The following DNAH9 variants were observed in gnomAD, a reference collection of about 807,000 sequenced individuals.
The protein encoded by DNAH9 is dynein axonemal heavy chain 9, also known as DNAH9 variant protein.
In DNAH9, 345 loss-of-function variants were observed where a neutral mutation model predicts 471.6. That is an observed-to-expected ratio of 0.73 (90% CI 0.67 to 0.80). The LOEUF (loss-of-function observed/expected upper bound fraction) is 0.80. Among genes scored for constraint, DNAH9 ranks in the 30% least tolerant of loss-of-function variants. The pLI is 0.00. For synonymous variants in DNAH9, 2,093 were observed against 2,123.6 expected, an observed-to-expected ratio of 0.99 and a Z score of 0.40; for missense variants, 5,407 against 5,609.2, an observed-to-expected ratio of 0.96 and a Z score of 1.15.
chr17:11,607,997 A>G (rs145868280), intron 1 of DNAH9, 132 bp from the exon 2 acceptor site: 3 of 617,538 alleles, frequency 4.9e-6, no homozygotes, highest in African/African-American at 3.6e-5. Context: ...GTTCGACCCT[A>G]TTATTAGGCC....
At chr17:11,847,328 T>G (rs1215486542) in intron 49 of DNAH9, among the ~76,000 whole-genome samples, 1 of 152,222 alleles carries the variant, frequency 6.6e-6, no homozygotes, top group Non-Finnish European at 1.5e-5. Context: ...CTTCTTGGGT[T>G]TTTATAATTT....
chr17:11,652,280 C>CTTTTTTTTTT (rs11450398), intron 13 of DNAH9, among the ~76,000 whole-genome samples: 3 of 79,138 alleles, frequency 3.8e-5, no homozygotes, highest in Non-Finnish European at 4.3e-5. Context: ...TAAGGGTAGG[C>CTTTTTTTTTT]TTTTTTTTTT....
intron 35 of DNAH9, among the ~76,000 whole-genome samples, chr17:11,760,615 G>T (rs958146065): frequency 2.6e-5 from 4 of 151,982 alleles, no homozygotes; most frequent in African/African-American, 9.7e-5. Context: ...TGCCTCCCAG[G>T]TTCAAGAGAT....
intron 7 of DNAH9, among the ~76,000 whole-genome samples, chr17:11,631,518 A>G (rs2073065168): frequency 6.6e-6 from 1 of 151,950 alleles, no homozygotes; most frequent in East Asian, 1.9e-4. Flanking sequence ...GGTGGTGCAC[A>G]CCTGTAATCT....
At chr17:11,868,613 A>G (rs905750655) in intron 50 of DNAH9, among the ~76,000 whole-genome samples, 2 of 152,014 alleles carry the variant, frequency 1.3e-5, no homozygotes, top group Non-Finnish European at 2.9e-5. Flanking sequence ...CCAGCCCCAG[A>G]CTAGCTGCAG....
chr17:11,765,988 T>A (rs892914084), intron 36 of DNAH9, among the ~76,000 whole-genome samples: 1 of 152,140 alleles, frequency 6.6e-6, no homozygotes, highest in South Asian at 2.1e-4. Context: ...TTAAATCCCC[T>A]CAAGCCTTTT....
intron 61 of DNAH9, among the ~76,000 whole-genome samples, chr17:11,906,123 G>A (rs1205326899): frequency 2.0e-5 from 3 of 151,954 alleles, no homozygotes; most frequent in African/African-American, 7.3e-5. Flanking sequence ...CCTTCCACAG[G>A]GCCCCACAGT....
chr17:11,781,856 A>C (rs2150895423), intron 39 of DNAH9, among the ~76,000 whole-genome samples: 2 of 151,282 alleles, frequency 1.3e-5, no homozygotes, highest in East Asian at 3.9e-4. Context: ...AACAAAAAAA[A>C]AACTACCAAA....
intron 10 of DNAH9, among the ~76,000 whole-genome samples, chr17:11,643,080 ATAGT>A (rs1304233707): frequency 2.6e-5 from 4 of 152,242 alleles, no homozygotes; most frequent in African/African-American, 4.8e-5. Flanking sequence ...AAACCACCAC[ATAGT>A]TAGTGTGAAG....
chr17:11,942,073 T>G (rs977349610), intron 66 of DNAH9, among the ~76,000 whole-genome samples: 2 of 152,186 alleles, frequency 1.3e-5, no homozygotes, highest in Admixed American at 6.5e-5. Flanking sequence ...ATGCTAGGCA[T>G]GCAAGTCCCA....
chr17:11,722,384 G>T (rs1017875200), intron 27 of DNAH9, among the ~76,000 whole-genome samples: 1 of 152,218 alleles, frequency 6.6e-6, no homozygotes, highest in African/African-American at 2.4e-5. Context: ...GACGAAATGA[G>T]AAAGGAAGAG....
chr17:11,931,229 A>C (rs1016751322), intron 63 of DNAH9, among the ~76,000 whole-genome samples: 2 of 152,192 alleles, frequency 1.3e-5, no homozygotes, highest in Admixed American at 6.5e-5. Context: ...AGAGGGTTCC[A>C]GCAGCTGCTA....
intron 52 of DNAH9, chr17:11,873,449 A>G (rs1972356998): frequency 6.6e-6 from 1 of 152,216 alleles, no homozygotes; most frequent in Non-Finnish European, 1.5e-5. Flanking sequence ...ATTTCCCTTC[A>G]GAGGTTTGCT....
In DNAH9 at chr17:11,727,857, G is replaced by A. The variant is rs1486431925; in HGVS notation, c.5749G>A (p.Ala1917Thr). ...NIYKGLAQTG[A>T]WGCFDEFNRI... The stretch of plus-strand genomic sequence containing the variant: ...CTACAAAGGCCTTGCTCAGACTGGT[G>A]CCTGGGGCTGCTTTGATGAGTTTAA... The change falls in exon 28 of 69, where the codon GCC (alanine) becomes ACC (threonine). Residue 1917 changes from alanine (A) to threonine (T), a missense_variant. Physicochemically the swap from Ala to Thr is moderately conservative, Grantham distance 58. Transcript: ENST00000262442. The A allele has an allele frequency of 4.3e-6, 7 of 1,614,000 alleles. No individual in the cohort carries two copies. The African/African-American group carries it at 9.3e-5, about 22-fold the overall frequency.
chr17:11,791,700 G>A (rs1329860026), intron 41 of DNAH9, among the ~76,000 whole-genome samples: 1 of 152,084 alleles, frequency 6.6e-6, no homozygotes, highest in East Asian at 1.9e-4. Context: ...GACAAAAAGT[G>A]AGACTCTGTC....
chr17:11,923,287 G>A (rs896193721), intron 61 of DNAH9, among the ~76,000 whole-genome samples: 3 of 151,858 alleles, frequency 2.0e-5, no homozygotes, highest in Admixed American at 2.0e-4. Context: ...ATGTTGGCCA[G>A]GCTGGTCTTG....
At chr17:11,656,304 C>G (rs1035748751) in intron 14 of DNAH9, among the ~76,000 whole-genome samples, 6 of 152,146 alleles carry the variant, frequency 3.9e-5, no homozygotes, top group African/African-American at 1.4e-4. Context: ...TTGCATTTCC[C>G]TGATCATTAG....
intron 19 of DNAH9, among the ~76,000 whole-genome samples, chr17:11,683,912 A>G (rs957882120): frequency 2.0e-5 from 3 of 152,342 alleles, no homozygotes; most frequent in African/African-American, 7.2e-5. Context: ...ATTTATCACT[A>G]AAGCGAATCT....
rs554227693 is a variant in DNAH9 at position 11,687,878 on chromosome 17, A to G, written c.3744-1688A>G. The stretch of plus-strand genomic sequence containing the variant: ...CAGCCGAGCGGGATGGCTCATGCCT[A>G]TGGTCCCAGCACTTTGGGAGGCTGA... On this transcript the variant is annotated intron_variant, in intron 19 of 68. Transcript: ENST00000262442. Among the ~76,000 whole-genome samples the G allele has an allele frequency of 1.6e-3, 250 of 151,894 alleles. 1 individual carries two copies. Among genetic ancestry groups the G allele is most frequent in the Non-Finnish European group, 2.9e-3 (200 of 67,928 alleles).
Sources: allele counts gnomAD v4.1 joint callset (sites outside exome capture counted in the v4.1 genomes callset), GRCh38; gene constraint gnomAD v4.1.1; transcripts MANE v1.5; gene names NCBI Gene and HGNC (gene_info 2026-07-23, HGNC 2026-07-21).